MACF1: variants seen among roughly 807,000 people sequenced by gnomAD.
MACF1 encodes the protein microtubule actin crosslinking factor 1.
In MACF1, 193 loss-of-function variants were observed where a neutral mutation model predicts 854.8. That is an observed-to-expected ratio of 0.23 (90% confidence interval 0.20 to 0.25). MACF1 has a LOEUF of 0.25. Among genes scored for constraint, MACF1 ranks in the 10% least tolerant of loss-of-function variants. The probability of loss-of-function intolerance (pLI) is 1.00; values close to 1 mark genes in which losing one functional copy is unlikely to be tolerated. For synonymous variants in MACF1, 3,185 were observed against 3,226.7 expected, an observed-to-expected ratio of 0.99 and a Z score of 0.44; for missense variants, 7,722 against 8,929.1, an observed-to-expected ratio of 0.86 and a Z score of 5.45.
chr1:39,357,850 A>G lies in MACF1; in HGVS notation c.11900A>G (p.Lys3967Arg), dbSNP rs1403672325. 3.1e-6 allele frequency: 5 copies of G among 1,614,072 alleles called. No homozygotes were observed. Among genetic ancestry groups the G allele is most frequent in the Non-Finnish European group, 4.2e-6 (5 of 1,179,994 alleles). ...GAAATTGGAAACTTAGTAAAGGACA[A>G]GTTGAAGGATGCAACAGAAAGATAC... ...PSEIGNLVKDKLKDATERYTA... is the reference protein window; with the variant it reads ...PSEIGNLVKDRLKDATERYTA... Residue 3967 changes from lysine (K) to arginine (R), a missense_variant, in exon 45 of 101, where the codon AAG becomes AGG. Physicochemically the swap from Lys to Arg is conservative, Grantham distance 26 (BLOSUM62 2). Transcript: ENST00000564288.
chr1:39,259,031 A>G (rs960522520), intron 6 of MACF1, among the ~76,000 whole-genome samples: 1 of 152,190 alleles, frequency 6.6e-6, no homozygotes, highest in African/African-American at 2.4e-5. Flanking sequence ...GGGCATAGGG[A>G]TAACCAGGAA....
chr1:39,304,628 A>C, intron 23 of MACF1: 1 of 540,280 alleles, frequency 1.9e-6, no homozygotes, highest in Admixed American at 3.0e-5. Flanking sequence ...CAGTGGCACT[A>C]TTTCAGCTCA....
intron 2 of MACF1, among the ~76,000 whole-genome samples, chr1:39,248,795 A>G (rs536817845): frequency 6.6e-6 from 1 of 152,130 alleles, no homozygotes; most frequent in African/African-American, 2.4e-5. Context: ...TGGTGTGATC[A>G]TAGCTCACTT....
intron 22 of MACF1, among the ~76,000 whole-genome samples, chr1:39,300,793 C>G (rs1425936089): frequency 6.6e-6 from 1 of 152,120 alleles, no homozygotes; most frequent in Non-Finnish European, 1.5e-5. Context: ...GCCTGTAATC[C>G]CAGCACTTTA....
Position 39,284,086 on chromosome 1 carries a change from A to G in MACF1, c.936A>G (p.Gln312=). ...ISATEVDSRW[Q]EYQSRVDSLI... ...AATAGGAAGTGGACTCCAGGTGGCAAGAATACCAAAGCCGAGTGGACTCCC... is the reference window on the plus strand; with the variant it reads ...AATAGGAAGTGGACTCCAGGTGGCAGGAATACCAAAGCCGAGTGGACTCCC... Residue 312 remains glutamine (Q), a synonymous_variant, in exon 10 of 101, where the codon CAA becomes CAG. Coordinates refer to ENST00000564288, the MANE Select transcript of MACF1 (RefSeq NM_001394062.1). 6.2e-7 allele frequency: 1 copy of G among 1,614,068 alleles called. No homozygotes were observed. The highest frequency in any genetic ancestry group is 8.5e-7 in the Non-Finnish European group (1 of 1,179,954).
At chr1:39,470,895 C>T (rs74910738) in intron 97 of MACF1, among the ~76,000 whole-genome samples, 4,157 of 152,224 alleles carry the variant, frequency 0.027, 97 homozygotes, top group Middle Eastern at 0.082. Context: ...TTGCTGCCTG[C>T]TCTATTTATG....
At chr1:39,298,107 T>C (rs1260481570) in intron 21 of MACF1, among the ~76,000 whole-genome samples, 1 of 151,608 alleles carries the variant, frequency 6.6e-6, no homozygotes, top group African/African-American at 2.4e-5. Context: ...GATTAGTTGA[T>C]ATCAAATTCT....
chr1:39,131,980 C>T lies in MACF1; in HGVS notation c.220+47542C>T, dbSNP rs528863729. On this transcript the variant is annotated intron_variant, in intron 2 of 93. Transcript: ENST00000361689. ...AATTTTTAGAGTAACAGTTATTTTG[C>T]GGTTCCTTTACGTGGAGAACCTTTA... Among the ~76,000 whole-genome samples, 22 of 152,238 alleles carry T rather than the reference C, an allele frequency of 1.4e-4. No homozygotes were observed. In the East Asian group the frequency reaches 4.1e-3, roughly 28 times the overall value.
chr1:39,478,606 T>G (rs1644955797), intron 97 of MACF1, among the ~76,000 whole-genome samples: 2 of 152,188 alleles, frequency 1.3e-5, no homozygotes, highest in Non-Finnish European at 2.9e-5. Flanking sequence ...TGGATTTGAT[T>G]TAGGAATTTG....
At chr1:39,419,303 T>G (rs1643442058) in intron 58 of MACF1, among the ~76,000 whole-genome samples, 1 of 152,222 alleles carries the variant, frequency 6.6e-6, no homozygotes, top group African/African-American at 2.4e-5. Flanking sequence ...AGCTAATGCT[T>G]CTATAGGAAA....
chr1:39,105,482 G>C lies in MACF1; in HGVS notation c.220+21044G>C. ...GGAGCGCGACTGCCGGGCCGGGCGA[G>C]GCGGGCGGACGGCGGAGAGCGAGGG... On this transcript the variant is annotated intron_variant, in intron 2 of 93. Coordinates refer to the MACF1 transcript ENST00000361689. The surrounding 1 kb of genome is among the most constrained non-coding windows in gnomAD (Gnocchi z 5.9). The C allele has an allele frequency of 9.9e-7, 1 of 1,010,106 alleles. No homozygotes were observed. Among genetic ancestry groups the C allele is most frequent in the Non-Finnish European group, 1.2e-6 (1 of 847,162 alleles). 62.6% of individuals were successfully genotyped at this position (1,010,106 alleles called of 1,614,324 possible). A position where few individuals can be genotyped will look rare whatever the true frequency, so the allele number is the denominator to read the frequency against.
chr1:39,310,297 C>T lies in MACF1; in HGVS notation c.2969C>T (p.Ala990Val). 1 of 1,614,098 alleles carries T rather than the reference C, an allele frequency of 6.2e-7. No individual in the cohort carries two copies. The highest frequency in any genetic ancestry group is 8.5e-7 in the Non-Finnish European group (1 of 1,179,988). The stretch of plus-strand genomic sequence containing the variant: ...CATCAGATTATGAAGAACCTTCAGG[C>T]CCACTATGAAGACTTTCTGCAGGAT... Reference protein sequence around the residue: ...ECHQIMKNLQAHYEDFLQDSR... With the variant: ...ECHQIMKNLQVHYEDFLQDSR... The change falls in exon 25 of 101, where the codon GCC becomes GTC. Residue 990 changes from alanine (A) to valine (V), a missense_variant. By Grantham distance (64) the Ala-to-Val change is moderately conservative (BLOSUM62 0). Around this residue, in one of 15 missense-constraint regions of MACF1, gnomAD observed 1,137 missense variants for 1,263.0 expected, o/e 0.90. Transcript: ENST00000564288.
At chr1:39,440,115 T>C (rs1168468438) in intron 72 of MACF1, among the ~76,000 whole-genome samples, 3 of 135,982 alleles carry the variant, frequency 2.2e-5, no homozygotes, top group Admixed American at 7.2e-5. Flanking sequence ...TCTTTTCTTT[T>C]TTTTTTTTTT....
At position 39,452,344 on chromosome 1, in the gene MACF1, A is replaced by G. The variant is rs1376418059; in HGVS notation, c.20607A>G (p.Leu6869=). The part of the protein sequence containing the change: ...VSKQSRLEQA[L]KQAEVFRDTV... ...AACAAAGCCGGCTTGAGCAGGCCTT[A>G]AAACAAGTAAGGGATATTTGCTGTC... Residue 6869 remains leucine (L), a synonymous_variant, in exon 86 of 101, where the codon TTA becomes TTG. Coordinates refer to ENST00000564288, the MANE Select transcript of MACF1 (RefSeq NM_001394062.1). 6.2e-7 allele frequency: 1 copy of G among 1,613,182 alleles called. No homozygotes were observed. Among genetic ancestry groups the G allele is most frequent in the Non-Finnish European group, 8.5e-7 (1 of 1,179,542 alleles).
At chr1:39,120,015 C>T (rs539150552) in intron 2 of MACF1, among the ~76,000 whole-genome samples, 1 of 151,558 alleles carries the variant, frequency 6.6e-6, no homozygotes, top group East Asian at 2.0e-4. Context: ...TCCTGAGTAG[C>T]TGGGATTACA....
At chr1:39,466,509 T>C (rs1238140834) in intron 95 of MACF1, among the ~76,000 whole-genome samples, 1 of 152,236 alleles carries the variant, frequency 6.6e-6, no homozygotes, top group Non-Finnish European at 1.5e-5. Flanking sequence ...TAAAGTACTC[T>C]TGTGGTTCCT....
chr1:39,159,817 T>C (rs1323180332), intron 2 of MACF1, among the ~76,000 whole-genome samples: 1 of 151,832 alleles, frequency 6.6e-6, no homozygotes, highest in African/African-American at 2.4e-5. Context: ...AGAGCAACCA[T>C]GGGGTGTGGA....
intron 84 of MACF1, among the ~76,000 whole-genome samples, chr1:39,449,929 G>T (rs909495467): frequency 1.3e-5 from 2 of 151,754 alleles, no homozygotes; most frequent in Non-Finnish European, 2.9e-5. Flanking sequence ...GCACTGTCTC[G>T]GGTCACTGCA....
chr1:39,295,903 T>G (rs371947913), intron 20 of MACF1, 21 bp downstream of exon 20: 26 of 1,527,146 alleles, frequency 1.7e-5, no homozygotes, highest in Non-Finnish European at 2.7e-6. Flanking sequence ...TTTCTGTGTT[T>G]GTGTGTGTGT....
Sources: gnomAD v4.1 joint callset for allele counts (sites outside exome capture counted in the v4.1 genomes callset) on GRCh38, gnomAD v4.1.1 for gene constraint, gnomAD v4.1.1 regional missense constraint, Gnocchi (gnomAD v3.1) non-coding constraint, MANE v1.5 for transcripts, NCBI Gene and HGNC (gene_info 2026-07-23, HGNC 2026-07-21) for gene names.